Variants in PCDHB5 observed in about 807,000 individuals in gnomAD.
PCDHB5 encodes the protein protocadherin beta 5, also known as protocadherin beta-5.
For synonymous variants in PCDHB5, 569 were observed against 462.2 expected (o/e 1.23, Z -2.96); for missense variants, 1,125 against 1,029.4 (o/e 1.09, Z -1.27).
At position 141,136,876 on chromosome 5, in the gene PCDHB5, C is replaced by A. The variant is rs113637338; in HGVS notation, c.1442C>A (p.Thr481Asn). The A allele has an allele frequency of 8.2e-5, 132 of 1,612,814 alleles. No individual in the cohort carries two copies. In the African/African-American group the frequency reaches 1.7e-3, roughly 21 times the overall value. ...SVSATDRDSG[T>N]NAQVTYSLLP... ...AGCGCCACAGACAGAGACTCAGGCA[C>A]CAACGCCCAGGTCACCTACTCGCTG... The change falls in exon 1 of 1, where the codon ACC (threonine) becomes AAC (asparagine). Residue 481 changes from threonine (T) to asparagine (N), a missense_variant. Physicochemically the swap from Thr to Asn is moderately conservative, Grantham distance 65. Transcript: ENST00000231134.
Position 141,135,592 on chromosome 5 carries a change from G to T in PCDHB5, c.158G>T (p.Gly53Val), listed in dbSNP as rs1752548867. ...YSVANLAKDL[G>V]LGVGELATRG... is the part of the protein sequence containing the mutation. Reference sequence around the variant, plus strand: ...GTGGCCAACCTGGCAAAAGACCTGGGTCTTGGGGTGGGGGAACTGGCCACT... The same window carrying T: ...GTGGCCAACCTGGCAAAAGACCTGGTTCTTGGGGTGGGGGAACTGGCCACT... Residue 53 changes from glycine (G) to valine (V), a missense_variant, in exon 1 of 1, where the codon GGT becomes GTT. Gly to Val is a moderately radical substitution (Grantham distance 109). Transcript: ENST00000231134. 1 of 1,614,170 alleles carries T rather than the reference G, an allele frequency of 6.2e-7. No homozygotes were observed. The highest frequency in any genetic ancestry group is 1.3e-5 in the African/African-American group (1 of 75,038).
At position 141,137,941 on chromosome 5, in the gene PCDHB5, A is replaced by G; in HGVS notation, c.*119A>G. 2 of 937,724 alleles carry G rather than the reference A, an allele frequency of 2.1e-6. No homozygotes were observed. The highest frequency in any genetic ancestry group is 5.1e-5 in the East Asian group (2 of 39,416). 58.1% of individuals were successfully genotyped at this position (937,724 alleles called of 1,614,324 possible). ...GATTGAGCTTTTATTTCCCTTTTTA[A>G]TGGATTTGTCTGTTGAACTTCATGC... On this transcript the variant is annotated 3_prime_UTR_variant, in exon 1 of 1. Coordinates refer to ENST00000231134, the MANE Select transcript of PCDHB5 (RefSeq NM_015669.5).
chr5:141,137,758 C>T lies in PCDHB5; in HGVS notation c.2324C>T (p.Pro775Leu). ...FLKPIIPNLL[P>L]QGAGEEIGKT... ...AAGCCGATTATTCCTAACCTTTTGC[C>T]CCAGGGCGCTGGTGAAGAAATAGGG... Residue 775 changes from proline (P) to leucine (L), a missense_variant, in exon 1 of 1, where the codon CCC (proline) becomes CTC (leucine). Coordinates refer to ENST00000231134, the MANE Select transcript of PCDHB5 (RefSeq NM_015669.5). 2 of 1,614,064 alleles carry T rather than the reference C, an allele frequency of 1.2e-6. No individual in the cohort carries two copies. Among genetic ancestry groups the T allele is most frequent in the Non-Finnish European group, 1.7e-6 (2 of 1,179,982 alleles).
rs781794446 is a variant in PCDHB5 at position 141,135,762 on chromosome 5, C to A, written c.328C>A (p.Leu110Ile). 3 of 1,614,058 alleles carry A rather than the reference C, an allele frequency of 1.9e-6. No homozygotes were observed. Among genetic ancestry groups the A allele is most frequent in the Non-Finnish European group, 2.5e-6 (3 of 1,179,956 alleles). ...CTGTATATTGCATTTCCAGCTCTTA[C>A]TAGAAAATCCAGTGCAGTTTTTTCA... ...EPCILHFQLL[L>I]ENPVQFFQTD... Residue 110 changes from leucine (L) to isoleucine (I), a missense_variant, in exon 1 of 1, where the codon CTA (leucine) becomes ATA (isoleucine). By Grantham distance (5) the Leu-to-Ile change is conservative. Coordinates refer to ENST00000231134, the MANE Select transcript of PCDHB5 (RefSeq NM_015669.5).
chr5:141,136,647 C>A lies in PCDHB5; in HGVS notation c.1213C>A (p.Gln405Lys). ...AAAAAACTTTTACACCCTAGTGACA[C>A]AGAGAACACTGGACAGAGAGAGCCA... ...TLKNFYTLVT[Q>K]RTLDRESQAE... Residue 405 changes from glutamine to lysine, a missense_variant, in exon 1 of 1, where the codon CAG becomes AAG. Physicochemically the swap from Gln to Lys is moderately conservative, Grantham distance 53 (BLOSUM62 1). Coordinates refer to ENST00000231134, the MANE Select transcript of PCDHB5 (RefSeq NM_015669.5). 6.2e-7 allele frequency: 1 copy of A among 1,614,170 alleles called. No homozygotes were observed. Among genetic ancestry groups the A allele is most frequent in the Non-Finnish European group, 8.5e-7 (1 of 1,180,042 alleles).
In PCDHB5 at chr5:141,135,309, T is replaced by C. The variant is rs782746670; in HGVS notation, c.-126T>C. ...TTTTAGGTAAGATCTAGTGGCTAGA[T>C]CTTCAGGGTGGGCTTCGTTCTTGTG... On this transcript the variant is annotated 5_prime_UTR_variant, in exon 1 of 1. Coordinates refer to ENST00000231134, the MANE Select transcript of PCDHB5 (RefSeq NM_015669.5). The C allele has an allele frequency of 5.8e-5, 40 of 685,420 alleles. No homozygotes were observed. Among genetic ancestry groups the C allele is most frequent in the Non-Finnish European group, 7.6e-5 (31 of 406,370 alleles). 42.5% of individuals were successfully genotyped at this position (685,420 alleles called of 1,614,324 possible).
In PCDHB5 at chr5:141,137,904, A is replaced by T; in HGVS notation, c.*82A>T. 1 of 1,291,384 alleles carries T rather than the reference A, an allele frequency of 7.7e-7. No individual in the cohort carries two copies. The highest frequency in any genetic ancestry group is 1.1e-6 in the Non-Finnish European group (1 of 931,064). The allele number at this position is 1,291,384 out of a possible 1,614,324, so 80.0% of individuals were successfully genotyped here. ...GAATTCGAGAGTGTCATGGACAAAA[A>T]TTTCACCTTGAGATTGAGCTTTTAT... On this transcript the variant is annotated 3_prime_UTR_variant, in exon 1 of 1. Coordinates refer to ENST00000231134, the MANE Select transcript of PCDHB5 (RefSeq NM_015669.5).
chr5:141,137,557 T>C lies in PCDHB5; in HGVS notation c.2123T>C (p.Val708Ala). 1 of 1,612,604 alleles carries C rather than the reference T, an allele frequency of 6.2e-7. No individual in the cohort carries two copies. The highest frequency in any genetic ancestry group is 8.5e-7 in the Non-Finnish European group (1 of 1,179,700). The change falls in exon 1 of 1, where the codon GTG (valine) becomes GCG (alanine). Residue 708 changes from valine to alanine, a missense_variant. Physicochemically the swap from Val to Ala is moderately conservative, Grantham distance 64. Transcript: ENST00000231134. ...TTCCTCTTTTCGGTGCTCCTGTTCG[T>C]GGCAGTGCGGCTGTGCAGGAGGAGC... Reference protein sequence around the residue: ...SLFLFSVLLFVAVRLCRRSRA... With the variant: ...SLFLFSVLLFAAVRLCRRSRA...
Position 141,136,605 on chromosome 5 carries a change from C to G in PCDHB5, c.1171C>G (p.Leu391Val). Reference protein sequence around the residue: ...ICSIQNDLPFLLKPTLKNFYT... With the variant: ...ICSIQNDLPFVLKPTLKNFYT... ...CTCCATCCAGAATGATCTCCCCTTT[C>G]TTTTGAAGCCCACATTAAAAAACTT... Residue 391 changes from leucine to valine, a missense_variant, in exon 1 of 1, where the codon CTT becomes GTT. Physicochemically the swap from Leu to Val is conservative, Grantham distance 32 (BLOSUM62 1). Transcript: ENST00000231134. 6.2e-7 allele frequency: 1 copy of G among 1,614,148 alleles called. No individual in the cohort carries two copies. Among genetic ancestry groups the G allele is most frequent in the Non-Finnish European group, 8.5e-7 (1 of 1,180,028 alleles).
In PCDHB5 at chr5:141,136,661, C is replaced by G. The variant is rs782675026; in HGVS notation, c.1227C>G (p.Asp409Glu). 4 of 1,614,124 alleles carry G rather than the reference C, an allele frequency of 2.5e-6. No individual in the cohort carries two copies. The highest frequency in any genetic ancestry group is 2.5e-6 in the Non-Finnish European group (3 of 1,180,036). Reference protein sequence around the residue: ...FYTLVTQRTLDRESQAEYNIT... With the variant: ...FYTLVTQRTLERESQAEYNIT... Reference sequence around the variant, plus strand: ...CCCTAGTGACACAGAGAACACTGGACAGAGAGAGCCAAGCCGAGTACAACA... The same window carrying G: ...CCCTAGTGACACAGAGAACACTGGAGAGAGAGAGCCAAGCCGAGTACAACA... Residue 409 changes from aspartate to glutamate, a missense_variant, in exon 1 of 1, where the codon GAC becomes GAG. By Grantham distance (45) the Asp-to-Glu change is conservative. Transcript: ENST00000231134.
rs1554275726 is a variant in PCDHB5, at chr5:141,135,682, A to C, written c.248A>C (p.Asn83Thr). The change falls in exon 1 of 1, where the codon AAT (asparagine) becomes ACT (threonine). Residue 83 changes from asparagine (N) to threonine (T), a missense_variant. Transcript: ENST00000231134. Reference protein sequence around the residue: ...ELLQLDIKTGNLLLYEKLDRE... With the variant: ...ELLQLDIKTGTLLLYEKLDRE... ...TTGCAGCTTGATATAAAGACCGGCAATTTGCTTCTATATGAAAAACTAGAC... is the reference window on the plus strand; with the variant it reads ...TTGCAGCTTGATATAAAGACCGGCACTTTGCTTCTATATGAAAAACTAGAC... 1.2e-6 allele frequency: 2 copies of C among 1,613,974 alleles called. No homozygotes were observed. Among genetic ancestry groups the C allele is most frequent in the South Asian group, 2.2e-5 (2 of 91,070 alleles).
In PCDHB5 at chr5:141,137,151, G is replaced by T. The variant is rs782703342; in HGVS notation, c.1717G>T (p.Glu573Ter). The change falls in exon 1 of 1, where the codon GAG becomes TAG. Residue 573 changes from glutamate to a stop codon, truncating the protein, a stop_gained. Transcript: ENST00000231134. LOFTEE classifies it low-confidence loss of function (END_TRUNC). ...GCAGAACGGCTCGGCGCCTTGCACCGAGCTGGTGCCCCGGGCGGCCGAGCC... is the reference window on the plus strand; with the variant it reads ...GCAGAACGGCTCGGCGCCTTGCACCTAGCTGGTGCCCCGGGCGGCCGAGCC... ...PLQNGSAPCT[E>*]LVPRAAEPGY... 6.2e-7 allele frequency: 1 copy of T among 1,610,740 alleles called. No homozygotes were observed. The highest frequency in any genetic ancestry group is 8.5e-7 in the Non-Finnish European group (1 of 1,179,560).
rs1286846361 is a variant in PCDHB5, at chr5:141,136,151, C to T, written c.717C>T (p.Ala239=). Reference sequence around the variant, plus strand: ...TCGTCTTGGATAATAATGACAACGCCCCCGAATTTTTACAATCATTCTATG... The same window carrying T: ...TCGTCTTGGATAATAATGACAACGCTCCCGAATTTTTACAATCATTCTATG... ...RIVVLDNNDN[A]PEFLQSFYEV... The change falls in exon 1 of 1, where the codon GCC becomes GCT. Residue 239 remains alanine, a synonymous_variant. Transcript: ENST00000231134. 1.2e-6 allele frequency: 2 copies of T among 1,614,122 alleles called. No individual in the cohort carries two copies. Among genetic ancestry groups the T allele is most frequent in the East Asian group, 2.2e-5 (1 of 44,874 alleles).
Position 141,135,662 on chromosome 5 carries a change from G to C in PCDHB5, c.228G>C (p.Gln76His), listed in dbSNP as rs199614199. 7 of 1,614,128 alleles carry C rather than the reference G, an allele frequency of 4.3e-6. No individual in the cohort carries two copies. In the African/African-American group the frequency reaches 8.0e-5, roughly 18 times the overall value. The change falls in exon 1 of 1, where the codon CAG becomes CAC. Residue 76 changes from glutamine (Q) to histidine (H), a missense_variant. Coordinates refer to ENST00000231134, the MANE Select transcript of PCDHB5 (RefSeq NM_015669.5). ...ACAAAGGAAACAAAGAGCTCTTGCA[G>C]CTTGATATAAAGACCGGCAATTTGC... ...MHYKGNKELL[Q>H]LDIKTGNLLL...
chr5:141,135,405 A>T lies in PCDHB5; in HGVS notation c.-30A>T. 1 of 1,485,218 alleles carries T rather than the reference A, an allele frequency of 6.7e-7. No individual in the cohort carries two copies. The highest frequency in any genetic ancestry group is 9.2e-7 in the Non-Finnish European group (1 of 1,088,468). The allele number at this position is 1,485,218 out of a possible 1,614,324, so 92.0% of individuals were successfully genotyped here. A position where few individuals can be genotyped will look rare whatever the true frequency, so the allele number is the denominator to read the frequency against. On this transcript the variant is annotated 5_prime_UTR_variant, in exon 1 of 1. The change abolishes the stop of an existing upstream ORF in the 5' untranslated region. Transcript: ENST00000231134. ...ATCTGGGTGGATTGTGTACGGAGTTAAACTGCGCCTTCTGGACCGGGTCTG... is the reference window on the plus strand; with the variant it reads ...ATCTGGGTGGATTGTGTACGGAGTTTAACTGCGCCTTCTGGACCGGGTCTG...
chr5:141,136,851 A>G lies in PCDHB5; in HGVS notation c.1417A>G (p.Ser473Gly), dbSNP rs781857807. 6.2e-6 allele frequency: 10 copies of G among 1,612,938 alleles called. No individual in the cohort carries two copies. The highest frequency in any genetic ancestry group is 2.0e-4 in the Middle Eastern group (1 of 5,090). ...CCCCGCCCTGCACATCGGCAGTGTC[A>G]GCGCCACAGACAGAGACTCAGGCAC... The part of the protein sequence containing the change: ...NSPALHIGSV[S>G]ATDRDSGTNA... Residue 473 changes from serine (S) to glycine (G), a missense_variant, in exon 1 of 1, where the codon AGC (serine) becomes GGC (glycine). Physicochemically the swap from Ser to Gly is moderately conservative, Grantham distance 56. Coordinates refer to ENST00000231134, the MANE Select transcript of PCDHB5 (RefSeq NM_015669.5).
rs782303199 is a variant in PCDHB5, at chr5:141,137,280, A to G, written c.1846A>G (p.Met616Val). The G allele has an allele frequency of 2.4e-5, 39 of 1,610,516 alleles. No individual in the cohort carries two copies. Among genetic ancestry groups the G allele is most frequent in the African/African-American group, 6.7e-5 (5 of 74,852 alleles). The change falls in exon 1 of 1, where the codon ATG (methionine) becomes GTG (valine). Residue 616 changes from methionine to valine, a missense_variant. Physicochemically the swap from Met to Val is conservative, Grantham distance 21 (BLOSUM62 1). Coordinates refer to ENST00000231134, the MANE Select transcript of PCDHB5 (RefSeq NM_015669.5). ...GGCCACGGAGCCCGGGCTGTTCAGC[A>G]TGTGGGCGCACAATGGCGAGGTGCG... ...LKATEPGLFS[M>V]WAHNGEVRTA... is the part of the protein sequence containing the mutation.
Position 141,137,597 on chromosome 5 carries a change from C to G in PCDHB5, c.2163C>G (p.Val721=), listed in dbSNP as rs370394043. 203 of 1,613,158 alleles carry G rather than the reference C, an allele frequency of 1.3e-4. No individual in the cohort carries two copies. Among genetic ancestry groups the G allele is most frequent in the Middle Eastern group, 7.6e-4 (4 of 5,254 alleles). Residue 721 remains valine, a synonymous_variant, in exon 1 of 1, where the codon GTC becomes GTG. Coordinates refer to ENST00000231134, the MANE Select transcript of PCDHB5 (RefSeq NM_015669.5). The part of the protein sequence containing the change: ...RLCRRSRAAP[V]GRCSVPEGPF... ...GCAGGAGGAGCAGGGCGGCCCCGGT[C>G]GGTCGCTGCTCGGTGCCCGAGGGCC...
chr5:141,136,669 G>T lies in PCDHB5; in HGVS notation c.1235G>T (p.Ser412Ile). 7.4e-6 allele frequency: 12 copies of T among 1,614,114 alleles called. No individual in the cohort carries two copies. The highest frequency in any genetic ancestry group is 1.0e-5 in the Non-Finnish European group (12 of 1,180,028). ...LVTQRTLDRESQAEYNITITV... is the reference protein window; with the variant it reads ...LVTQRTLDREIQAEYNITITV... ...ACACAGAGAACACTGGACAGAGAGA[G>T]CCAAGCCGAGTACAACATCACCATC... Residue 412 changes from serine to isoleucine, a missense_variant, in exon 1 of 1, where the codon AGC becomes ATC. Ser to Ile is a moderately radical substitution (Grantham distance 142). Coordinates refer to ENST00000231134, the MANE Select transcript of PCDHB5 (RefSeq NM_015669.5).
Sources: allele counts gnomAD v4.1 joint callset, GRCh38; gene constraint gnomAD v4.1.1; transcripts MANE v1.5; gene names NCBI Gene and HGNC (gene_info 2026-07-23, HGNC 2026-07-21).